ACSF2: variants seen among roughly 807,000 people sequenced by gnomAD.
The protein encoded by ACSF2 is acyl-CoA synthetase family member 2.
A neutral mutation model predicts 79.3 loss-of-function variants in ACSF2; 52 were observed. That is an observed-to-expected ratio of 0.66 (90% CI 0.53 to 0.83). The LOEUF (loss-of-function observed/expected upper bound fraction) is 0.83, where lower values mean the gene tolerates loss of function less well. Ranked by LOEUF, ACSF2 falls within the 40% of genes least tolerant of loss-of-function variation. The pLI is 0.00. For synonymous variants in ACSF2, 283 were observed against 312.6 expected, an observed-to-expected ratio of 0.91 and a Z score of 1.00; for missense variants, 661 against 803.3, an observed-to-expected ratio of 0.82 and a Z score of 2.14.
At chr17:50,465,278 T>C in intron 10 of ACSF2, 1 of 1,613,786 alleles carries the variant, frequency 6.2e-7, no homozygotes, top group Non-Finnish European at 8.5e-7. Flanking sequence ...AGGGGACCTG[T>C]TTACCTGGCC....
At chr17:50,435,289 T>C (rs1399945932) in intron 1 of ACSF2, among the ~76,000 whole-genome samples, 1 of 152,222 alleles carries the variant, frequency 6.6e-6, no homozygotes, top group Admixed American at 6.5e-5. Context: ...GTTTCAGAGT[T>C]CTGTATGTAT....
chr17:50,426,580 A>G (rs537422798), intron 1 of ACSF2, among the ~76,000 whole-genome samples, 191 bp downstream of exon 1: 114 of 152,072 alleles, frequency 7.5e-4, no homozygotes, highest in African/African-American at 2.6e-3. Context: ...TTGGGTGGGG[A>G]GGGGGCTTTG....
At chr17:50,452,138 A>G (rs557421583) in intron 1 of ACSF2, among the ~76,000 whole-genome samples, 1 of 152,122 alleles carries the variant, frequency 6.6e-6, no homozygotes, top group Non-Finnish European at 1.5e-5. Flanking sequence ...CAAGGCTCCT[A>G]TCTGGTCTCA....
At chr17:50,448,547 C>T (rs1345142485) in intron 1 of ACSF2, among the ~76,000 whole-genome samples, 3 of 152,038 alleles carry the variant, frequency 2.0e-5, no homozygotes, top group South Asian at 2.1e-4. Context: ...TCAAGTATAA[C>T]GAGTTTAATT....
intron 1 of ACSF2, among the ~76,000 whole-genome samples, chr17:50,443,142 T>C (rs1355095804): frequency 2.0e-5 from 3 of 152,080 alleles, no homozygotes; most frequent in Admixed American, 6.6e-5. Flanking sequence ...TCTCCTGACC[T>C]TGTGATCCGT....
intron 9 of ACSF2, 43 bp from the exon 10 acceptor site, chr17:50,464,175 C>A: frequency 6.3e-7 from 1 of 1,583,340 alleles, no homozygotes; most frequent in Non-Finnish European, 8.7e-7. Context: ...CTCCACTGGG[C>A]CTGGAGAATT....
chr17:50,445,003 G>A (rs920808772), intron 1 of ACSF2, among the ~76,000 whole-genome samples: 3 of 151,984 alleles, frequency 2.0e-5, no homozygotes, highest in African/African-American at 7.3e-5. Context: ...CAACCTTGAA[G>A]TCCTGGGCTC....
rs549690571 is a variant in ACSF2 at position 50,474,742 on chromosome 17, G to A, written c.*190G>A. The A allele has an allele frequency of 1.6e-3, 991 of 600,996 alleles. 5 individuals carry two copies. The highest frequency in any genetic ancestry group is 6.1e-4 in the Non-Finnish European group (213 of 346,724). 37.2% of individuals were successfully genotyped at this position (600,996 alleles called of 1,614,324 possible). On this transcript the variant is annotated 3_prime_UTR_variant, in exon 16 of 16. Coordinates refer to ENST00000300441, the MANE Select transcript of ACSF2 (RefSeq NM_025149.6). The surrounding 1 kb of genome is among the most constrained non-coding windows in gnomAD (Gnocchi z 4.2). Reference sequence around the variant, plus strand: ...CTCGCCTGGGCACAAGGTGCCAAAAGGCAGGCAGCCTGCCCAGGCCCTCCC... The same window carrying A: ...CTCGCCTGGGCACAAGGTGCCAAAAAGCAGGCAGCCTGCCCAGGCCCTCCC...
At chr17:50,462,922 G>T in intron 6 of ACSF2, 1 of 585,926 alleles carries the variant, frequency 1.7e-6, no homozygotes, top group South Asian at 2.2e-5. Context: ...CCAGCTTGTG[G>T]GTGGCAGAGT....
At chr17:50,452,325 T>G (rs1338095560) in intron 1 of ACSF2, among the ~76,000 whole-genome samples, 1 of 152,060 alleles carries the variant, frequency 6.6e-6, no homozygotes, top group African/African-American at 2.4e-5. Flanking sequence ...CCAAATCCCT[T>G]TAAGAATAGA....
At chr17:50,466,197 C>T (rs1192038418) in intron 10 of ACSF2, among the ~76,000 whole-genome samples, 2 of 151,608 alleles carry the variant, frequency 1.3e-5, no homozygotes, top group African/African-American at 4.9e-5. Context: ...CGCCATTCTC[C>T]GGCCTCAGCC....
In ACSF2 at chr17:50,463,173, C is replaced by T. The variant is rs756137751; in HGVS notation, c.810C>T (p.Pro270=). 2 of 1,614,036 alleles carry T rather than the reference C, an allele frequency of 1.2e-6. No homozygotes were observed. The highest frequency in any genetic ancestry group is 3.3e-5 in the Admixed American group (2 of 60,020). The change falls in exon 7 of 16, where the codon CCC becomes CCT. Residue 270 remains proline (P), a synonymous_variant. Transcript: ENST00000300441. This position sits in a 1 kb window ranked among gnomAD's most constrained non-coding sequence, Gnocchi z 4.6. The stretch of plus-strand genomic sequence containing the variant: ...CTTGTCAGGGGACAACAGGCAGCCC[C>T]AAGGGGGCCACCCTCTCCCACTACA... ...IQFTSGTTGS[P]KGATLSHYNI...
In ACSF2 at chr17:50,469,097, C is replaced by T. The variant is rs184134700; in HGVS notation, c.1216-1931C>T. On this transcript the variant is annotated intron_variant, in intron 10 of 15. Coordinates refer to ENST00000300441, the MANE Select transcript of ACSF2 (RefSeq NM_025149.6). ...TGGCCCCCGAGCCCCGAGCCCTGAGCCCCGGCTGTAGCCCCCCGCTCTCCT... is the reference window on the plus strand; with the variant it reads ...TGGCCCCCGAGCCCCGAGCCCTGAGTCCCGGCTGTAGCCCCCCGCTCTCCT... 4.6e-4 allele frequency: 546 copies of T among 1,189,974 alleles called. 7 individuals carry two copies. The African/African-American group carries it at 7.1e-3, about 16-fold the overall frequency. The allele number at this position is 1,189,974 out of a possible 1,614,324, so 73.7% of individuals were successfully genotyped here. A position where few individuals can be genotyped will look rare whatever the true frequency, so the allele number is the denominator to read the frequency against.
chr17:50,434,374 A>G (rs1434075375), intron 1 of ACSF2, among the ~76,000 whole-genome samples: 5 of 151,720 alleles, frequency 3.3e-5, no homozygotes, highest in Admixed American at 3.3e-4. Flanking sequence ...GCTTCCACCA[A>G]TATAGAGTAT....
At chr17:50,454,797 CA>C (rs2031890307) in intron 1 of ACSF2, among the ~76,000 whole-genome samples, 1 of 152,090 alleles carries the variant, frequency 6.6e-6, no homozygotes, top group Admixed American at 6.5e-5. Context: ...CACCACCTGT[CA>C]GAGCCGCTGT....
chr17:50,474,451 T>A lies in ACSF2; in HGVS notation c.1798-51T>A, dbSNP rs1218400922. 6.3e-7 allele frequency: 1 copy of A among 1,598,368 alleles called. No homozygotes were observed. The highest frequency in any genetic ancestry group is 8.6e-7 in the Non-Finnish European group (1 of 1,166,054). On this transcript the variant is annotated intron_variant, in intron 15 of 15. Coordinates refer to ENST00000300441, the MANE Select transcript of ACSF2 (RefSeq NM_025149.6). The surrounding 1 kb of genome is among the most constrained non-coding windows in gnomAD (Gnocchi z 4.2). ...TAAGAGCCTGAGAAACCCCTTATTC[T>A]TGGGTGAACCAAGACAGCTGGTAAC...
At chr17:50,465,117 A>G (rs2032611300) in intron 10 of ACSF2, 1 of 652,750 alleles carries the variant, frequency 1.5e-6, no homozygotes, top group African/African-American at 1.8e-5. Flanking sequence ...AAATGGTGGA[A>G]GTCCTGGGCA....
chr17:50,464,191 G>A, intron 9 of ACSF2, 27 bp from the exon 10 acceptor site: 1 of 1,611,240 alleles, frequency 6.2e-7, no homozygotes, highest in Non-Finnish European at 8.5e-7. Context: ...GAATTGGGGA[G>A]CTGTGTCAGC....
At chr17:50,459,545 G>A (rs2032208545) in intron 1 of ACSF2, among the ~76,000 whole-genome samples, 1 of 152,194 alleles carries the variant, frequency 6.6e-6, no homozygotes, top group African/African-American at 2.4e-5. Flanking sequence ...ACCATGCCTG[G>A]CTCAGGTGCC....
Sources: allele counts gnomAD v4.1 joint callset (sites outside exome capture counted in the v4.1 genomes callset), GRCh38; gene constraint gnomAD v4.1.1; non-coding constraint Gnocchi (gnomAD v3.1); transcripts MANE v1.5; gene names NCBI Gene and HGNC (gene_info 2026-07-23, HGNC 2026-07-21).